The following CACNB2 variants were observed in gnomAD, a reference collection of about 807,000 sequenced individuals.
CACNB2 encodes calcium voltage-gated channel auxiliary subunit beta 2.
Under a neutral mutation model 73.3 loss-of-function variants are expected in CACNB2, and 42 were observed. That is an observed-to-expected ratio of 0.57 (90% CI 0.45 to 0.74). The LOEUF is 0.74. Among genes scored for constraint, CACNB2 ranks in the 30% least tolerant of loss-of-function variants. The pLI, the probability that CACNB2 is intolerant of heterozygous loss-of-function variation, is 0.00. For synonymous variants in CACNB2, 348 were observed against 310.3 expected (o/e 1.12, Z -1.28); for missense variants, 940 against 853.0 (o/e 1.10, Z -1.27).
At chr10:18,460,794 G>T (rs1290129160) in intron 3 of CACNB2, among the ~76,000 whole-genome samples, 1 of 151,728 alleles carries the variant, frequency 6.6e-6, no homozygotes, top group Non-Finnish European at 1.5e-5. Flanking sequence ...GGAAGATGAG[G>T]TGGGAAGACC....
chr10:18,238,168 C>A (rs1411211859), intron 2 of CACNB2, among the ~76,000 whole-genome samples: 1 of 152,178 alleles, frequency 6.6e-6, no homozygotes, highest in Non-Finnish European at 1.5e-5. Flanking sequence ...CTCCCCATGT[C>A]CACCCCAGAC....
At position 18,465,921 on chromosome 10, in the gene CACNB2, T is replaced by C. The variant is rs566804779; in HGVS notation, c.334-32434T>C. On this transcript the variant is annotated intron_variant, in intron 3 of 13. Coordinates refer to ENST00000324631, the MANE Select transcript of CACNB2 (RefSeq NM_201596.3). ...CTCTCGAACTCCTGACCTCAAGTGATCTGCCTGCCTCAGCCTCCCAAAGTG... is the reference window on the plus strand; with the variant it reads ...CTCTCGAACTCCTGACCTCAAGTGACCTGCCTGCCTCAGCCTCCCAAAGTG... 2.6e-5 allele frequency among the ~76,000 whole-genome samples: 4 copies of C among 152,350 alleles called. No individual in the cohort carries two copies. In the South Asian group the frequency reaches 8.3e-4, roughly 32 times the overall value.
At chr10:18,435,307 A>G (rs2046079425) in intron 3 of CACNB2, among the ~76,000 whole-genome samples, 1 of 152,184 alleles carries the variant, frequency 6.6e-6, no homozygotes, top group African/African-American at 2.4e-5. Flanking sequence ...AATCCAACAT[A>G]TTTCGTTAAA....
intron 2 of CACNB2, among the ~76,000 whole-genome samples, chr10:18,162,734 A>G (rs566329345): frequency 2.5e-4 from 38 of 152,346 alleles, no homozygotes; most frequent in African/African-American, 9.1e-4. Flanking sequence ...CCAAGGCATG[A>G]CTTACTTACA....
intron 2 of CACNB2, among the ~76,000 whole-genome samples, chr10:18,361,341 A>G (rs2042129042): frequency 6.6e-6 from 1 of 151,670 alleles, no homozygotes; most frequent in Non-Finnish European, 1.5e-5. Flanking sequence ...AATTAAAAAA[A>G]AAAAAAAAAT....
intron 2 of CACNB2, among the ~76,000 whole-genome samples, chr10:18,274,608 A>T (rs745359888): frequency 6.6e-6 from 1 of 151,468 alleles, no homozygotes; most frequent in Non-Finnish European, 1.5e-5. Flanking sequence ...GAAATCCACA[A>T]TTTTTTTTTC....
At chr10:18,482,806 C>T (rs1190679576) in intron 3 of CACNB2, among the ~76,000 whole-genome samples, 2 of 152,176 alleles carry the variant, frequency 1.3e-5, no homozygotes, top group African/African-American at 2.4e-5. Flanking sequence ...GCCACCACGC[C>T]AGGCCTGGGG....
intron 2 of CACNB2, among the ~76,000 whole-genome samples, chr10:18,217,835 T>C (rs530026713): frequency 1.2e-4 from 18 of 152,084 alleles, no homozygotes; most frequent in African/African-American, 4.1e-4. Flanking sequence ...GGCCAGTTCA[T>C]GCACTAAAAT....
chr10:18,343,760 G>T (rs1174374357), intron 2 of CACNB2, among the ~76,000 whole-genome samples: 1 of 152,152 alleles, frequency 6.6e-6, no homozygotes, highest in Non-Finnish European at 1.5e-5. Flanking sequence ...TGTCCCCCTT[G>T]TGAAGTGTGA....
intron 3 of CACNB2, among the ~76,000 whole-genome samples, chr10:18,414,661 T>A (rs2044838896): frequency 2.0e-5 from 3 of 152,034 alleles, no homozygotes; most frequent in African/African-American, 7.2e-5. Context: ...ATTTTTGTAT[T>A]TTTAGCAAAA....
chr10:18,373,844 G>T (rs539346238), intron 2 of CACNB2, among the ~76,000 whole-genome samples: 1 of 152,132 alleles, frequency 6.6e-6, no homozygotes, highest in Non-Finnish European at 1.5e-5. Flanking sequence ...TGCTTGTACC[G>T]GTTCTCTCTC....
chr10:18,324,595 G>A (rs2040511693), intron 2 of CACNB2, among the ~76,000 whole-genome samples: 1 of 152,246 alleles, frequency 6.6e-6, no homozygotes, highest in Non-Finnish European at 1.5e-5. Flanking sequence ...GCTCACGCCT[G>A]TAATCCCAAC....
In CACNB2 at chr10:18,444,883, TATC is replaced by T. The variant is rs376225380; in HGVS notation, c.333+42843_333+42845del. Among the ~76,000 whole-genome samples, 7 of 152,340 alleles carry T rather than the reference TATC, an allele frequency of 4.6e-5. No homozygotes were observed. The East Asian group carries it at 1.2e-3, about 25-fold the overall frequency. The stretch of plus-strand genomic sequence containing the variant: ...ATTGAGGGAACAAAGTAATCAATGA[TATC>T]ATGAGAAGCAAAAAAGACTTTTTTG... On this transcript the variant is annotated intron_variant, in intron 3 of 13. Coordinates refer to ENST00000324631, the MANE Select transcript of CACNB2 (RefSeq NM_201596.3).
At chr10:18,344,305 G>A (rs2041357312) in intron 2 of CACNB2, among the ~76,000 whole-genome samples, 2 of 151,874 alleles carry the variant, frequency 1.3e-5, no homozygotes, top group Admixed American at 1.3e-4. Context: ...ATCAGTTTGT[G>A]GAAAGAGTCA....
intron 2 of CACNB2, among the ~76,000 whole-genome samples, chr10:18,183,722 T>A (rs1245389145): frequency 2.6e-5 from 4 of 152,200 alleles, no homozygotes; most frequent in African/African-American, 9.6e-5. Flanking sequence ...AGAGGAGATT[T>A]GGGTAGGGAC....
chr10:18,525,736 T>C (rs1004385465), intron 9 of CACNB2, among the ~76,000 whole-genome samples: 4 of 152,162 alleles, frequency 2.6e-5, no homozygotes, highest in Non-Finnish European at 5.9e-5. Flanking sequence ...TGAACTCCTG[T>C]AATTTGGAAT....
intron 2 of CACNB2, among the ~76,000 whole-genome samples, chr10:18,204,108 T>G (rs1334113265): frequency 6.6e-6 from 1 of 152,224 alleles, no homozygotes; most frequent in Non-Finnish European, 1.5e-5. Context: ...CAAAGAGACC[T>G]ACTGCAGACT....
intron 2 of CACNB2, among the ~76,000 whole-genome samples, chr10:18,321,373 T>G (rs1168784582): frequency 1.3e-5 from 2 of 152,198 alleles, no homozygotes; most frequent in African/African-American, 4.8e-5. Flanking sequence ...CTTAGAAAAT[T>G]TAATTTATTT....
intron 9 of CACNB2, among the ~76,000 whole-genome samples, chr10:18,523,030 T>C (rs2052083146): frequency 6.6e-6 from 1 of 152,128 alleles, no homozygotes; most frequent in African/African-American, 2.4e-5. Flanking sequence ...CCTAATTAGA[T>C]TTTTTTAATT....
Sources: gnomAD v4.1 joint callset for allele counts (sites outside exome capture counted in the v4.1 genomes callset) on GRCh38, gnomAD v4.1.1 for gene constraint, MANE v1.5 for transcripts, NCBI Gene and HGNC (gene_info 2026-07-23, HGNC 2026-07-21) for gene names.